NBEAL1: variants seen among roughly 807,000 people sequenced by gnomAD.
NBEAL1 encodes neurobeachin-like protein 1.
A neutral mutation model predicts 351.3 loss-of-function variants in NBEAL1; 273 were observed. That is an observed-to-expected ratio of 0.78 (90% CI 0.70 to 0.86). NBEAL1 has a LOEUF of 0.86. NBEAL1 is among the 40% of genes least tolerant of loss of function. The probability of loss-of-function intolerance (pLI) is 0.00; values close to 1 mark genes in which losing one functional copy is unlikely to be tolerated. For missense variants in NBEAL1, 2,961 were observed against 3,201.3 expected, an observed-to-expected ratio of 0.92 and a Z score of 1.81; for synonymous variants, 1,050 against 1,086.4, an observed-to-expected ratio of 0.97 and a Z score of 0.66.
At chr2:203,210,652 A>G (rs908184822) in intron 53 of NBEAL1, among the ~76,000 whole-genome samples, 2 of 152,216 alleles carry the variant, frequency 1.3e-5, no homozygotes, top group Non-Finnish European at 1.5e-5. Flanking sequence ...TGACAGAACG[A>G]GGCTCCATCT....
At chr2:203,093,952 G>A (rs970117072) in intron 10 of NBEAL1, among the ~76,000 whole-genome samples, 18 of 151,988 alleles carry the variant, frequency 1.2e-4, no homozygotes, top group African/African-American at 4.1e-4. Context: ...TTTTTTGTCA[G>A]AATTACTTTA....
At chr2:203,029,654 T>C (rs1351812700) in intron 2 of NBEAL1, among the ~76,000 whole-genome samples, 3 of 147,410 alleles carry the variant, frequency 2.0e-5, no homozygotes, top group Non-Finnish European at 4.4e-5. Context: ...ATTTTACCAC[T>C]GTACTTCAGC....
intron 10 of NBEAL1, among the ~76,000 whole-genome samples, chr2:203,097,040 A>G (rs184777928): frequency 2.8e-4 from 42 of 152,362 alleles, no homozygotes; most frequent in Admixed American, 1.8e-3. Flanking sequence ...CCTCACAATC[A>G]TGGTGGAAGG....
At chr2:203,054,425 C>CAAAAAA (rs755176233) in intron 4 of NBEAL1, among the ~76,000 whole-genome samples, 1 of 115,574 alleles carries the variant, frequency 8.7e-6, no homozygotes, top group African/African-American at 3.2e-5. Flanking sequence ...GACTCAGTCT[C>CAAAAAA]AAAAAAAAAA....
In NBEAL1 at chr2:203,103,121, GT is replaced by G. The variant is rs972806665; in HGVS notation, c.1269+3415del. ...GAGGTGTTCATAGTAGTCTTTGTGG[GT>G]TTTTTGTATCCTGTGGGGTCAGTAG... On this transcript the variant is annotated intron_variant, in intron 12 of 55. Transcript: ENST00000683969. 6.5e-4 allele frequency among the ~76,000 whole-genome samples: 99 copies of G among 152,062 alleles called. 1 individual carries two copies. The highest frequency in any genetic ancestry group is 2.2e-3 in the African/African-American group (93 of 41,480).
intron 36 of NBEAL1, among the ~76,000 whole-genome samples, chr2:203,162,092 C>T (rs1255560324): frequency 3.5e-5 from 5 of 143,784 alleles, no homozygotes; most frequent in Admixed American, 7.3e-5. Flanking sequence ...GGCGCGATCT[C>T]GGCTCCCTGT....
intron 42 of NBEAL1, among the ~76,000 whole-genome samples, chr2:203,179,685 G>C (rs558635716): frequency 6.6e-6 from 1 of 151,950 alleles, no homozygotes; most frequent in African/African-American, 2.4e-5. Flanking sequence ...TATTAACCAA[G>C]TATATTGATA....
At chr2:203,100,156 G>C (rs886387566) in intron 12 of NBEAL1, among the ~76,000 whole-genome samples, 1 of 152,052 alleles carries the variant, frequency 6.6e-6, no homozygotes, top group African/African-American at 2.4e-5. Context: ...GTCTACAATT[G>C]GCTTTAGGTT....
chr2:203,098,940 C>T lies in NBEAL1; in HGVS notation c.1186-689C>T, dbSNP rs1390253977. On this transcript the variant is annotated intron_variant, in intron 11 of 55. Coordinates refer to ENST00000683969, the MANE Select transcript of NBEAL1 (RefSeq NM_001378026.1). ...TTATACATGCAAATGGAATTTAAAC[C>T]TGGATGGTTCAAGTGTAGTTTTGAA... Among the ~76,000 whole-genome samples the T allele has an allele frequency of 1.4e-4, 21 of 151,974 alleles. 1 individual carries two copies. Among genetic ancestry groups the T allele is most frequent in the Non-Finnish European group, 5.9e-5 (4 of 67,988 alleles).
At chr2:203,081,827 C>T (rs367859112) in intron 8 of NBEAL1, among the ~76,000 whole-genome samples, 13 of 152,324 alleles carry the variant, frequency 8.5e-5, no homozygotes, top group African/African-American at 2.2e-4. Context: ...TGAGGCCGGG[C>T]ATGGTGGCTT....
intron 46 of NBEAL1, 168 bp downstream of exon 46, chr2:203,190,557 G>T: frequency 1.5e-6 from 1 of 688,096 alleles, no homozygotes; most frequent in East Asian, 2.7e-5. Context: ...GAAAAACTGA[G>T]TACCTATTAG....
intron 35 of NBEAL1, among the ~76,000 whole-genome samples, chr2:203,152,902 G>T (rs2106358381): frequency 1.3e-5 from 2 of 151,924 alleles, no homozygotes; most frequent in South Asian, 4.2e-4. Flanking sequence ...GCCGGGCATG[G>T]TGGCGGGCAC....
chr2:203,118,623 G>A (rs532350451), intron 18 of NBEAL1, among the ~76,000 whole-genome samples: 7 of 146,554 alleles, frequency 4.8e-5, no homozygotes, highest in East Asian at 2.0e-4. Context: ...ATGGAGTCTC[G>A]CTCTCTCACC....
chr2:203,143,135 TA>T (rs1317053110), intron 31 of NBEAL1, among the ~76,000 whole-genome samples: 2 of 152,214 alleles, frequency 1.3e-5, no homozygotes, highest in South Asian at 2.1e-4. Flanking sequence ...GATATAGGGT[TA>T]AGGGAGAAGG....
chr2:203,107,353 T>C, intron 12 of NBEAL1, 67 bp from the exon 13 acceptor site: 1 of 750,358 alleles, frequency 1.3e-6, no homozygotes, highest in Non-Finnish European at 2.1e-6. Context: ...TTATTTAATA[T>C]TTTTAATATT....
At chr2:203,094,426 A>G (rs1418722980) in intron 10 of NBEAL1, among the ~76,000 whole-genome samples, 1 of 152,196 alleles carries the variant, frequency 6.6e-6, no homozygotes, top group East Asian at 1.9e-4. Flanking sequence ...TGAATCCTTT[A>G]TGTTCTTTTT....
chr2:203,077,941 A>G lies in NBEAL1; in HGVS notation c.684+104A>G, dbSNP rs369969721. The G allele has an allele frequency of 1.1e-4, 58 of 552,112 alleles. No individual in the cohort carries two copies. The South Asian group carries it at 3.3e-3, about 31-fold the overall frequency. 34.2% of individuals were successfully genotyped at this position (552,112 alleles called of 1,614,324 possible). On this transcript the variant is annotated intron_variant, in intron 8 of 55. Transcript: ENST00000683969. ...TTGTCTTTTTATAATTTCATTCACC[A>G]TACAAATATTGAACTTATATATTGT...
chr2:203,014,679 A>C (rs1033403303), upstream of NBEAL1: 2 of 152,312 alleles, frequency 1.3e-5, no homozygotes, highest in Non-Finnish European at 2.9e-5. Context: ...AGGGATGGGC[A>C]GCCAGAGCCT....
rs1402778018 is a variant in NBEAL1 at position 203,056,461 on chromosome 2, T to C, written c.340T>C (p.Ser114Pro). 6.4e-7 allele frequency: 1 copy of C among 1,551,286 alleles called. No individual in the cohort carries two copies. Among genetic ancestry groups the C allele is most frequent in the Non-Finnish European group, 8.7e-7 (1 of 1,144,914 alleles). The change falls in exon 5 of 56, where the codon TCG (serine) becomes CCG (proline). Residue 114 changes from serine (S) to proline (P), a missense_variant. Coordinates refer to ENST00000683969, the MANE Select transcript of NBEAL1 (RefSeq NM_001378026.1). ...AAATGTGGAAGAAATTGGGACTTGC[T>C]CGTACATTAATTATGTCATCACCAT... Reference protein sequence around the residue: ...LSNVEEIGTCSYINYVITMTT... With the variant: ...LSNVEEIGTCPYINYVITMTT...
Sources: gnomAD v4.1 joint callset for allele counts (sites outside exome capture counted in the v4.1 genomes callset) on GRCh38, gnomAD v4.1.1 for gene constraint, MANE v1.5 for transcripts, NCBI Gene and HGNC (gene_info 2026-07-23, HGNC 2026-07-21) for gene names.